The following PCTP variants were observed in gnomAD, a reference collection of about 807,000 sequenced individuals.
PCTP encodes the protein START domain-containing protein 2.
PCTP carries 27 observed loss-of-function variants against 31.0 expected under a neutral mutation model. That is an observed-to-expected ratio of 0.87 (90% confidence interval 0.64 to 1.20). The LOEUF (loss-of-function observed/expected upper bound fraction) is 1.20. Ranked by LOEUF, PCTP falls within the 50% of genes most tolerant of loss-of-function variation. The pLI, the probability that PCTP is intolerant of heterozygous loss-of-function variation, is 0.00. For missense variants in PCTP, 287 were observed against 268.2 expected (o/e 1.07, Z -0.49); for synonymous variants, 108 against 101.2 (o/e 1.07, Z -0.40).
downstream of PCTP, among the ~76,000 whole-genome samples, chr17:55,777,635 G>C (rs1911408886): frequency 6.6e-6 from 1 of 152,160 alleles, no homozygotes; most frequent in South Asian, 2.1e-4. Context: ...GCAATAGGTA[G>C]GTTTGCATCT....
In PCTP at chr17:55,788,100, C is replaced by G. The variant is rs546543402; in HGVS notation, c.317+446C>G. Among the ~76,000 whole-genome samples the G allele has an allele frequency of 3.9e-5, 6 of 152,274 alleles. No homozygotes were observed. The East Asian group carries it at 1.2e-3, about 29-fold the overall frequency. On this transcript the variant is annotated intron_variant, in intron 3 of 3. Coordinates refer to the PCTP transcript ENST00000572536. Reference sequence around the variant, plus strand: ...AACCAATTTCCTTTCTACCTCTCTTCCGAATTTTATATATCTAAACTCTGC... The same window carrying G: ...AACCAATTTCCTTTCTACCTCTCTTGCGAATTTTATATATCTAAACTCTGC...
intron 2 of PCTP, chr17:55,770,453 T>C (rs1219363808): frequency 6.6e-6 from 1 of 152,248 alleles, no homozygotes; most frequent in African/African-American, 2.4e-5. Context: ...GGTACTCTAG[T>C]GACATCTGGT....
At chr17:55,835,826 G>T (rs139529518) in intron 5 of PCTP, among the ~76,000 whole-genome samples, 1 of 152,302 alleles carries the variant, frequency 6.6e-6, no homozygotes, top group East Asian at 1.9e-4. Flanking sequence ...CCCAATAGGA[G>T]TTGGGAGACC....
At chr17:55,793,928 C>A (rs369454379) in intron 3 of PCTP, among the ~76,000 whole-genome samples, 2 of 152,000 alleles carry the variant, frequency 1.3e-5, no homozygotes, top group African/African-American at 4.8e-5. Flanking sequence ...TTTGAATGCC[C>A]GCCTTCACAG....
At chr17:55,799,556 G>A (rs552624935) in intron 3 of PCTP, among the ~76,000 whole-genome samples, 1 of 152,062 alleles carries the variant, frequency 6.6e-6, no homozygotes, top group East Asian at 1.9e-4. Context: ...TTTAATTGGG[G>A]CATTTAGCCT....
intron 1 of PCTP, among the ~76,000 whole-genome samples, chr17:55,754,443 C>T (rs1368374464): frequency 6.6e-6 from 1 of 152,218 alleles, no homozygotes; most frequent in Non-Finnish European, 1.5e-5. Flanking sequence ...GATCTTGGAA[C>T]TTCCATGCCC....
intron 3 of PCTP, among the ~76,000 whole-genome samples, chr17:55,801,904 C>CA (rs938945265): frequency 1.2e-4 from 18 of 152,038 alleles, no homozygotes; most frequent in Admixed American, 3.9e-4. Flanking sequence ...AAAAACCCTT[C>CA]AAAAAAATCA....
At chr17:55,803,760 G>A (rs554611102) in intron 3 of PCTP, among the ~76,000 whole-genome samples, 10 of 152,118 alleles carry the variant, frequency 6.6e-5, no homozygotes, top group African/African-American at 2.2e-4. Context: ...AAAAACCCTG[G>A]AAGAATACCT....
At chr17:55,845,626 G>C (rs1326563203), downstream of PCTP, among the ~76,000 whole-genome samples, 3 of 152,146 alleles carry the variant, frequency 2.0e-5, no homozygotes, top group African/African-American at 7.2e-5. Flanking sequence ...CGCCGTGGGA[G>C]GTTTCGGAAA....
chr17:55,797,958 A>C (rs1390028938), intron 3 of PCTP, among the ~76,000 whole-genome samples: 1 of 152,068 alleles, frequency 6.6e-6, no homozygotes, highest in African/African-American at 2.4e-5. Context: ...TTTATAAGAC[A>C]CAAACTTTTA....
chr17:55,845,885 G>GGGGT (rs1270282341), downstream of PCTP, among the ~76,000 whole-genome samples: 1 of 109,784 alleles, frequency 9.1e-6, no homozygotes, highest in African/African-American at 4.1e-5. Flanking sequence ...TGAGAGGGTT[G>GGGGT]GGGTGTGTGT....
In PCTP at chr17:55,765,529, G is replaced by A. The variant is rs376436991; in HGVS notation, c.142-1806G>A. 2.4e-4 allele frequency among the ~76,000 whole-genome samples: 37 copies of A among 152,024 alleles called. 2 individuals carry two copies. Among genetic ancestry groups the A allele is most frequent in the Admixed American group, 9.2e-4 (14 of 15,276 alleles). On this transcript the variant is annotated intron_variant, in intron 1 of 5. Transcript: ENST00000268896. ...TATATCCTTAAATCACTGACTCCTC[G>A]CCATCACTGTTGTTACTTCCCTGTT...
intron 5 of PCTP, among the ~76,000 whole-genome samples, chr17:55,837,715 T>G (rs1905822448): frequency 6.6e-6 from 1 of 152,144 alleles, no homozygotes; most frequent in Non-Finnish European, 1.5e-5. Context: ...TCTCTCCATG[T>G]CTGTAACCAT....
chr17:55,835,194 T>C (rs1905738778), intron 5 of PCTP, among the ~76,000 whole-genome samples: 1 of 152,150 alleles, frequency 6.6e-6, no homozygotes, highest in African/African-American at 2.4e-5. Flanking sequence ...CACCAGCACC[T>C]CGATTTCAGA....
chr17:55,834,320 G>A (rs981912568), intron 5 of PCTP, among the ~76,000 whole-genome samples: 3 of 152,084 alleles, frequency 2.0e-5, no homozygotes, highest in Admixed American at 6.5e-5. Flanking sequence ...AGCCCAGCAT[G>A]CATTACCTAC....
At chr17:55,799,538 C>A (rs1178161445) in intron 3 of PCTP, among the ~76,000 whole-genome samples, 1 of 151,636 alleles carries the variant, frequency 6.6e-6, no homozygotes, top group Non-Finnish European at 1.5e-5. Flanking sequence ...ATTTGCCAGT[C>A]TGTGTCTTTT....
At chr17:55,755,519 C>CT (rs909552121) in intron 1 of PCTP, among the ~76,000 whole-genome samples, 5 of 151,762 alleles carry the variant, frequency 3.3e-5, no homozygotes, top group African/African-American at 9.7e-5. Flanking sequence ...GAATTGTGTC[C>CT]TTTTTTTTAG....
chr17:55,845,475 C>T (rs909655489), downstream of PCTP, among the ~76,000 whole-genome samples: 1 of 152,194 alleles, frequency 6.6e-6, no homozygotes, highest in Non-Finnish European at 1.5e-5. Context: ...GGAGGGTTTC[C>T]GCGGGATGCT....
intron 1 of PCTP, chr17:55,751,574 A>G (rs1909716007): frequency 4.0e-6 from 5 of 1,255,566 alleles, no homozygotes; most frequent in African/African-American, 1.6e-5. Flanking sequence ...AGGGACGTTG[A>G]TCCTCACTCT....
Sources: gnomAD v4.1 joint callset for allele counts (sites outside exome capture counted in the v4.1 genomes callset) on GRCh38, gnomAD v4.1.1 for gene constraint, MANE v1.5 for transcripts, NCBI Gene and HGNC (gene_info 2026-07-23, HGNC 2026-07-21) for gene names.